ACSM2A: variants seen among roughly 807,000 people sequenced by gnomAD.
ACSM2A encodes the protein acyl-CoA synthetase medium chain family member 2A.
In ACSM2A, 72 loss-of-function variants were observed where a neutral mutation model predicts 76.6. The observed-to-expected ratio is 0.94, with a 90% CI of 0.78 to 1.14. ACSM2A has a LOEUF of 1.14. ACSM2A is among the 50% of genes most tolerant of loss of function. ACSM2A has a pLI of 0.00. For synonymous variants in ACSM2A, 249 were observed against 255.9 expected (o/e 0.97, Z 0.26); for missense variants, 684 against 708.5 (o/e 0.97, Z 0.39).
At chr16:20,471,477 C>G in intron 5 of ACSM2A, 59 bp from the exon 6 acceptor site, 24 of 1,559,650 alleles carry the variant, frequency 1.5e-5, no homozygotes, top group Non-Finnish European at 2.0e-5. Flanking sequence ...ACCTTAGTGT[C>G]CCACGCATCC....
intron 2 of ACSM2A, among the ~76,000 whole-genome samples, chr16:20,462,470 T>G (rs1044668828): frequency 5.3e-5 from 8 of 152,294 alleles, no homozygotes; most frequent in South Asian, 2.1e-4. Flanking sequence ...AAAATACAAA[T>G]CTTTAACAAC....
At chr16:20,478,811 T>C in intron 10 of ACSM2A, 134 bp downstream of exon 10, 3 of 1,239,246 alleles carry the variant, frequency 2.4e-6, no homozygotes, top group Non-Finnish European at 2.1e-6. Flanking sequence ...TTTTCAAGAA[T>C]GTATGCTTTG....
intron 1 of ACSM2A, among the ~76,000 whole-genome samples, chr16:20,458,478 GTAT>G (rs1300338828): frequency 2.1e-5 from 3 of 143,488 alleles, no homozygotes; most frequent in Admixed American, 7.1e-5. Flanking sequence ...TATAGTATAT[GTAT>G]TATTATATAA....
chr16:20,473,369 C>A (rs1297155799), intron 6 of ACSM2A, among the ~76,000 whole-genome samples: 1 of 151,976 alleles, frequency 6.6e-6, no homozygotes, highest in Admixed American at 6.6e-5. Flanking sequence ...AATTATAAAG[C>A]CCATTGGGAA....
At chr16:20,482,881 G>T in intron 12 of ACSM2A, 177 bp from the exon 13 acceptor site, 1 of 993,300 alleles carries the variant, frequency 1.0e-6, no homozygotes, top group Non-Finnish European at 1.4e-6. Context: ...AATGACTTCA[G>T]AGAGAGCTGT....
chr16:20,458,905 C>CATATATATATATATATATATATATGCAT (rs2012401444), intron 1 of ACSM2A, among the ~76,000 whole-genome samples: 1 of 74,872 alleles, frequency 1.3e-5, no homozygotes, highest in African/African-American at 6.0e-5. Context: ...TATATATATG[C>CATATATATATATATATATATATATGCAT]ATATATATAT....
intron 1 of ACSM2A, among the ~76,000 whole-genome samples, chr16:20,458,687 T>C (rs1412512618): frequency 7.0e-6 from 1 of 141,880 alleles, no homozygotes; most frequent in Non-Finnish European, 1.5e-5. Context: ...TATATCTCTA[T>C]ATCTGTCTAT....
intron 1 of ACSM2A, chr16:20,453,575 C>T (rs1362999895): frequency 2.4e-5 from 3 of 124,854 alleles, no homozygotes; most frequent in Non-Finnish European, 4.9e-5. Flanking sequence ...AATCAGTATA[C>T]CTGGAAAAAG....
chr16:20,481,814 A>T (rs1365359458), intron 12 of ACSM2A: 4 of 133,910 alleles, frequency 3.0e-5, no homozygotes, highest in Admixed American at 7.8e-5. Flanking sequence ...ATTTGCGTGT[A>T]ACAAAATGTC....
intron 2 of ACSM2A, among the ~76,000 whole-genome samples, chr16:20,464,215 C>T (rs1315472864): frequency 1.3e-5 from 2 of 152,186 alleles, no homozygotes; most frequent in Non-Finnish European, 2.9e-5. Flanking sequence ...CTTCTAAGCC[C>T]TCCAAACTCT....
intron 10 of ACSM2A, among the ~76,000 whole-genome samples, chr16:20,479,928 C>T (rs926374411): frequency 6.6e-6 from 1 of 152,196 alleles, no homozygotes; most frequent in African/African-American, 2.4e-5. Flanking sequence ...CCTATATTCC[C>T]AATGATAGAG....
chr16:20,463,997 C>T (rs2012800969), intron 2 of ACSM2A, among the ~76,000 whole-genome samples: 1 of 152,144 alleles, frequency 6.6e-6, no homozygotes, highest in Non-Finnish European at 1.5e-5. Flanking sequence ...AAAACTTCCA[C>T]AGATCACTAG....
rs746412359 is a variant in ACSM2A, at chr16:20,477,408, C to A, written c.1138C>A (p.Pro380Thr). The change falls in exon 9 of 14, where the codon CCA (proline) becomes ACA (threonine). Residue 380 changes from proline (P) to threonine (T), a missense_variant. Pro to Thr is a conservative substitution (Grantham distance 38, BLOSUM62 -1). This residue lies in a region of ACSM2A where 519 missense variants were observed against 549.5 expected (regional missense o/e 0.94). Coordinates refer to ENST00000573854, the MANE Select transcript of ACSM2A (RefSeq NM_001308172.2). Reference sequence around the variant, plus strand: ...GGTTTCCAAGACAATGAAAATCAAACCAGGATACATGGGAACGGCTGCTTC... The same window carrying A: ...GGTTTCCAAGACAATGAAAATCAAAACAGGATACATGGGAACGGCTGCTTC... ...CMVSKTMKIK[P>T]GYMGTAASCY... 1.2e-6 allele frequency: 2 copies of A among 1,610,216 alleles called. No individual in the cohort carries two copies. Among genetic ancestry groups the A allele is most frequent in the South Asian group, 1.1e-5 (1 of 90,470 alleles).
intron 1 of ACSM2A, among the ~76,000 whole-genome samples, chr16:20,459,141 T>C (rs181326141): frequency 9.4e-4 from 142 of 151,794 alleles, no homozygotes; most frequent in Non-Finnish European, 1.3e-3. Context: ...CTTTGAGGAC[T>C]TGGGGGAAAT....
intron 2 of ACSM2A, among the ~76,000 whole-genome samples, chr16:20,464,935 A>C (rs2012884468): frequency 6.6e-6 from 1 of 152,106 alleles, no homozygotes; most frequent in Non-Finnish European, 1.5e-5. Flanking sequence ...AAAATTGGAA[A>C]TGTTATGTGT....
In ACSM2A at chr16:20,486,588, G is replaced by C. The variant is rs1324695924; in HGVS notation, c.1644G>C (p.Leu548Phe). ...YKYPRKIEFV[L>F]NLPKTVTGKI... Reference sequence around the variant, plus strand: ...TTTTTCAACAGATAGAGTTTGTCTTGAACCTGCCCAAGACTGTCACAGGGA... The same window carrying C: ...TTTTTCAACAGATAGAGTTTGTCTTCAACCTGCCCAAGACTGTCACAGGGA... The change falls in exon 14 of 14, where the codon TTG becomes TTC. Residue 548 changes from leucine to phenylalanine, a missense_variant. This residue lies in a region of ACSM2A where 159 missense variants were observed against 132.5 expected (regional missense o/e 1.20). Coordinates refer to ENST00000573854, the MANE Select transcript of ACSM2A (RefSeq NM_001308172.2). The C allele has an allele frequency of 6.2e-7, 1 of 1,614,130 alleles. No individual in the cohort carries two copies. Among genetic ancestry groups the C allele is most frequent in the Non-Finnish European group, 8.5e-7 (1 of 1,179,988 alleles).
chr16:20,471,697 A>C lies in ACSM2A; in HGVS notation c.894+8A>C. Reference sequence around the variant, plus strand: ...CCACTGGTTATTCTAAAGGTAAGAGAGGATCCAGTTTGCAGCAGTTATTCA... The same window carrying C: ...CCACTGGTTATTCTAAAGGTAAGAGCGGATCCAGTTTGCAGCAGTTATTCA... On this transcript the variant is annotated splice_region_variant and intron_variant, in intron 6 of 13. Coordinates refer to ENST00000573854, the MANE Select transcript of ACSM2A (RefSeq NM_001308172.2). 1 of 1,604,078 alleles carries C rather than the reference A, an allele frequency of 6.2e-7. No individual in the cohort carries two copies. The highest frequency in any genetic ancestry group is 8.5e-7 in the Non-Finnish European group (1 of 1,174,458).
Position 20,487,378 on chromosome 16 carries a change from A to T in ACSM2A, c.*700A>T, listed in dbSNP as rs1358147370. Reference sequence around the variant, plus strand: ...CCTAGAAGAAGACCTCCATACAGGAAGACTTGTGTGTGGGGTTGGGACATT... The same window carrying T: ...CCTAGAAGAAGACCTCCATACAGGATGACTTGTGTGTGGGGTTGGGACATT... On this transcript the variant is annotated 3_prime_UTR_variant, in exon 14 of 14. Transcript: ENST00000573854. The T allele has an allele frequency of 6.6e-6, 1 of 152,272 alleles. No homozygotes were observed. Among genetic ancestry groups the T allele is most frequent in the East Asian group, 1.9e-4 (1 of 5,194 alleles). The allele number at this position is 152,272 out of a possible 1,614,324, so 9.4% of individuals were successfully genotyped here.
chr16:20,486,174 A>G (rs574343519), intron 13 of ACSM2A, among the ~76,000 whole-genome samples: 65 of 152,338 alleles, frequency 4.3e-4, no homozygotes, highest in African/African-American at 1.3e-3. Flanking sequence ...TGTCCATGTA[A>G]TCACCCAATG....
Sources: allele counts gnomAD v4.1 joint callset (sites outside exome capture counted in the v4.1 genomes callset), GRCh38; gene constraint gnomAD v4.1.1; regional missense constraint gnomAD v4.1.1; transcripts MANE v1.5; gene names NCBI Gene and HGNC (gene_info 2026-07-23, HGNC 2026-07-21).